The following WWOX variants were observed in gnomAD, a reference collection of about 807,000 sequenced individuals.
WWOX encodes the protein WW domain containing oxidoreductase.
A neutral mutation model predicts 46.2 loss-of-function variants in WWOX; 69 were observed. The ratio of observed to expected loss-of-function variants is 1.49; its 90% CI spans 1.23 to 1.82. The LOEUF (loss-of-function observed/expected upper bound fraction) is 1.82, where lower values mean the gene tolerates loss of function less well. WWOX is among the 40% of genes most tolerant of loss of function. The pLI, the probability that WWOX is intolerant of heterozygous loss-of-function variation, is 0.00. For synonymous variants in WWOX, 359 were observed against 202.6 expected (o/e 1.77, Z -6.56); for missense variants, 919 against 542.6 (o/e 1.69, Z -6.89).
At position 78,824,631 on chromosome 16, in the gene WWOX, C is replaced by G. The variant is rs143401631; in HGVS notation, c.1057-386977C>G. 3.5e-3 allele frequency among the ~76,000 whole-genome samples: 539 copies of G among 152,220 alleles called. 2 individuals carry two copies. Among genetic ancestry groups the G allele is most frequent in the Middle Eastern group, 0.024 (7 of 294 alleles). ...CAGGAGGTGAAAGGCACTTCTTACA[C>G]GGCAGCGGCAAGAGAAAATGAGGAA... is the stretch of plus-strand genomic sequence containing the variant. On this transcript the variant is annotated intron_variant, in intron 8 of 8. Transcript: ENST00000566780.
chr16:78,421,713 T>C (rs939154043), intron 6 of WWOX, among the ~76,000 whole-genome samples: 2 of 152,258 alleles, frequency 1.3e-5, no homozygotes, highest in Non-Finnish European at 2.9e-5. Flanking sequence ...GCATTTTATA[T>C]AGAATGGAAA....
At chr16:78,503,389 C>G (rs955125470) in intron 8 of WWOX, among the ~76,000 whole-genome samples, 1 of 152,010 alleles carries the variant, frequency 6.6e-6, no homozygotes, top group Non-Finnish European at 1.5e-5. Flanking sequence ...TGCTGAAATT[C>G]CTATATCCCC....
At chr16:78,419,799 G>T (rs1460166222) in intron 6 of WWOX, among the ~76,000 whole-genome samples, 1 of 152,006 alleles carries the variant, frequency 6.6e-6, no homozygotes, top group Non-Finnish European at 1.5e-5. Flanking sequence ...TATCCAGAAT[G>T]ATCCAGAATG....
At chr16:78,429,182 C>T (rs1430686735) in intron 7 of WWOX, among the ~76,000 whole-genome samples, 9 of 152,086 alleles carry the variant, frequency 5.9e-5, no homozygotes, top group Admixed American at 6.5e-5. Flanking sequence ...ATCAGGTGAT[C>T]AATTGACTTA....
intron 8 of WWOX, among the ~76,000 whole-genome samples, chr16:78,509,943 A>C (rs2085318517): frequency 6.7e-6 from 1 of 148,702 alleles, no homozygotes; most frequent in Admixed American, 6.7e-5. Context: ...AAAAAAAAAG[A>C]AAGAAAAATT....
intron 8 of WWOX, chr16:78,757,029 G>A (rs77718657): frequency 1.6e-5 from 11 of 702,758 alleles, no homozygotes; most frequent in Admixed American, 1.0e-4. Context: ...AGTGAACCAC[G>A]TTCGAAGTTG....
chr16:78,447,172 G>A (rs374118308), intron 8 of WWOX, among the ~76,000 whole-genome samples: 74 of 152,278 alleles, frequency 4.9e-4, no homozygotes, highest in African/African-American at 1.5e-3. Context: ...CTCAGTTCAA[G>A]TTAGCTGTGT....
At chr16:78,198,425 G>A (rs570749747) in intron 5 of WWOX, among the ~76,000 whole-genome samples, 3 of 152,218 alleles carry the variant, frequency 2.0e-5, no homozygotes, top group Admixed American at 6.5e-5. Flanking sequence ...GCAAGCAATG[G>A]CCTCTCACCC....
rs115955392 is a variant in WWOX at position 79,180,804 on chromosome 16, A to G, written c.1057-30804A>G. Among the ~76,000 whole-genome samples the G allele has an allele frequency of 8.1e-3, 1,228 of 152,268 alleles. 17 individuals carry two copies. The highest frequency in any genetic ancestry group is 0.028 in the African/African-American group (1,158 of 41,540). Reference sequence around the variant, plus strand: ...ATCCATTTATCCACTCTGAATAGAAACCTAATATAGATATACAAAATGAAA... The same window carrying G: ...ATCCATTTATCCACTCTGAATAGAAGCCTAATATAGATATACAAAATGAAA... On this transcript the variant is annotated intron_variant, in intron 8 of 8. Coordinates refer to ENST00000566780, the MANE Select transcript of WWOX (RefSeq NM_016373.4).
intron 5 of WWOX, among the ~76,000 whole-genome samples, chr16:78,258,956 A>G (rs1286768432): frequency 6.6e-6 from 1 of 152,220 alleles, no homozygotes; most frequent in African/African-American, 2.4e-5. Flanking sequence ...AAACAGTGTT[A>G]CTAGTGCTCG....
intron 8 of WWOX, among the ~76,000 whole-genome samples, chr16:78,576,327 C>T (rs537876506): frequency 3.5e-4 from 53 of 152,210 alleles, no homozygotes; most frequent in African/African-American, 1.2e-3. Context: ...TTCTTTTATT[C>T]AAAATTTATA....
Position 78,547,146 on chromosome 16 carries a change from A to AAAC in WWOX, c.1056+114396_1056+114397insCAA, listed in dbSNP as rs1398300336. On this transcript the variant is annotated intron_variant, in intron 8 of 8. Coordinates refer to ENST00000566780, the MANE Select transcript of WWOX (RefSeq NM_016373.4). Reference sequence around the variant, plus strand: ...GTCTCAGAAAAAAAAAAAAAAAAAAAAAAAAAAAAAAAACAACTACCAGGC... The same window carrying AAAC: ...GTCTCAGAAAAAAAAAAAAAAAAAAAAACAAAAAAAAAAAAACAACTACCAGGC... 2.7e-4 allele frequency among the ~76,000 whole-genome samples: 39 copies of AAAC among 146,494 alleles called. 2 individuals carry two copies. In the East Asian group the frequency reaches 3.0e-3, roughly 11 times the overall value.
intron 8 of WWOX, among the ~76,000 whole-genome samples, chr16:79,062,982 G>A (rs897845995): frequency 2.0e-5 from 3 of 152,200 alleles, no homozygotes; most frequent in African/African-American, 7.2e-5. Flanking sequence ...GGCTACAGAT[G>A]CCGAGGATAT....
At chr16:78,907,222 C>T (rs772674865) in intron 8 of WWOX, among the ~76,000 whole-genome samples, 39 of 152,052 alleles carry the variant, frequency 2.6e-4, no homozygotes, top group Middle Eastern at 3.4e-3. Context: ...GCCCTGAATC[C>T]GCTTCTGGGT....
chr16:79,100,165 C>G (rs543455509), intron 8 of WWOX, among the ~76,000 whole-genome samples: 12 of 152,062 alleles, frequency 7.9e-5, no homozygotes, highest in East Asian at 3.9e-4. Context: ...TCATGTTTGA[C>G]TGGATAACTG....
At chr16:78,474,657 T>G (rs1003831894) in intron 8 of WWOX, among the ~76,000 whole-genome samples, 1 of 152,176 alleles carries the variant, frequency 6.6e-6, no homozygotes, top group Non-Finnish European at 1.5e-5. Context: ...TATTCAGAGT[T>G]GTGCAACCAT....
chr16:78,662,529 G>A (rs961628119), intron 8 of WWOX, among the ~76,000 whole-genome samples: 3 of 152,096 alleles, frequency 2.0e-5, no homozygotes, highest in Admixed American at 6.5e-5. Flanking sequence ...AGGCCCTTTG[G>A]ACCAGTTGCA....
chr16:78,683,969 G>A (rs537764451), intron 8 of WWOX, among the ~76,000 whole-genome samples: 6 of 152,268 alleles, frequency 3.9e-5, no homozygotes, highest in South Asian at 4.1e-4. Context: ...TGTCTCTTGC[G>A]ATCCCCTCCT....
At chr16:78,975,731 A>G (rs929734991) in intron 8 of WWOX, among the ~76,000 whole-genome samples, 10 of 152,182 alleles carry the variant, frequency 6.6e-5, no homozygotes, top group African/African-American at 2.4e-4. Context: ...TAGGCAACAC[A>G]GAGCCAATTG....
Sources: allele counts gnomAD v4.1 joint callset (sites outside exome capture counted in the v4.1 genomes callset), GRCh38; gene constraint gnomAD v4.1.1; transcripts MANE v1.5; gene names NCBI Gene and HGNC (gene_info 2026-07-23, HGNC 2026-07-21).